The following ZNF184 variants were observed in gnomAD, a reference collection of about 807,000 sequenced individuals.
ZNF184 encodes the protein zinc finger protein 184.
ZNF184 carries 16 observed loss-of-function variants against 54.4 expected under a neutral mutation model. The observed-to-expected ratio is 0.29, with a 90% CI of 0.20 to 0.45. The LOEUF (loss-of-function observed/expected upper bound fraction) is 0.45. ZNF184 is among the 20% of genes least tolerant of loss of function. The pLI, the probability that ZNF184 is intolerant of heterozygous loss-of-function variation, is 1.00. For synonymous variants in ZNF184, 254 were observed against 295.3 expected (o/e 0.86, Z 1.43); for missense variants, 681 against 888.2 (o/e 0.77, Z 2.97).
chr6:27,414,634 C>T, the ZNF184 span, among the ~76,000 whole-genome samples: 651 of 152,106 alleles, frequency 4.3e-3, 3 homozygotes, highest in African/African-American at 0.015. Context: ...CCTTCTATGA[C>T]ACCTTTTTAA....
Position 27,451,178 on chromosome 6 carries a change from A to G in ZNF184, c.*125T>C. The G allele has an allele frequency of 3.4e-6, 4 of 1,182,502 alleles. No individual in the cohort carries two copies. The highest frequency in any genetic ancestry group is 4.7e-6 in the Non-Finnish European group (4 of 852,360). The allele number at this position is 1,182,502 out of a possible 1,614,324, so 73.3% of individuals were successfully genotyped here. A position where few individuals can be genotyped will look rare whatever the true frequency, so the allele number is the denominator to read the frequency against. ...CAGCCCAATGTACTTTCCATTCCAT[A>G]ACATGATAGTGAAAATTTAAAAGAT... On this transcript the variant is annotated 3_prime_UTR_variant, in exon 6 of 6. Transcript: ENST00000683788.
At chr6:27,409,498 CAAAAAAAAAAAA>C in the ZNF184 span, among the ~76,000 whole-genome samples, 1 of 39,942 alleles carries the variant, frequency 2.5e-5, no homozygotes, top group Non-Finnish European at 5.0e-5. Context: ...GACTCCGTCT[CAAAAAAAAAAAA>C]AAAAAAAAAA....
the ZNF184 span, among the ~76,000 whole-genome samples, chr6:27,407,540 C>T: frequency 6.6e-6 from 1 of 152,214 alleles, no homozygotes; most frequent in Non-Finnish European, 1.5e-5. Context: ...GCCCTATGCA[C>T]AGTGTCAGCA....
At chr6:27,461,419 A>C (rs567822332) in intron 3 of ZNF184, among the ~76,000 whole-genome samples, 1 of 152,246 alleles carries the variant, frequency 6.6e-6, no homozygotes, top group Admixed American at 6.5e-5. Context: ...CAAATCACTG[A>C]ACTAAAGCGT....
At chr6:27,427,073 C>T in the ZNF184 span, among the ~76,000 whole-genome samples, 4 of 121,124 alleles carry the variant, frequency 3.3e-5, no homozygotes, top group South Asian at 2.7e-4. Flanking sequence ...ATTTCTAGAA[C>T]GTATTATTGA....
chr6:27,448,143 T>C (rs986395189), downstream of ZNF184, among the ~76,000 whole-genome samples: 2 of 152,228 alleles, frequency 1.3e-5, no homozygotes, highest in Non-Finnish European at 2.9e-5. Flanking sequence ...TCATCCCCTC[T>C]GTGAACCTAC....
At chr6:27,462,604 C>T (rs1377011323) in intron 3 of ZNF184, among the ~76,000 whole-genome samples, 1 of 151,476 alleles carries the variant, frequency 6.6e-6, no homozygotes, top group Non-Finnish European at 1.5e-5. Flanking sequence ...GTGGCTCACA[C>T]CTGTAATCCC....
chr6:27,433,347 G>A, the ZNF184 span, among the ~76,000 whole-genome samples: 1 of 152,014 alleles, frequency 6.6e-6, no homozygotes, highest in Admixed American at 6.5e-5. Flanking sequence ...TTTTACTGTG[G>A]TAAAATATAC....
the ZNF184 span, among the ~76,000 whole-genome samples, chr6:27,437,331 A>G: frequency 6.6e-6 from 1 of 152,194 alleles, no homozygotes; most frequent in Non-Finnish European, 1.5e-5. Flanking sequence ...AGTTTTGAAG[A>G]TGAGGAGGAC....
At chr6:27,423,577 C>T in the ZNF184 span, among the ~76,000 whole-genome samples, 1 of 152,022 alleles carries the variant, frequency 6.6e-6, no homozygotes, top group African/African-American at 2.4e-5. Flanking sequence ...CCCTCCCTTT[C>T]TCTGTTCTCA....
chr6:27,452,983 G>A lies in ZNF184; in HGVS notation c.576C>T (p.Asn192=), dbSNP rs749440050. 1.2e-6 allele frequency: 2 copies of A among 1,614,118 alleles called. No homozygotes were observed. Among genetic ancestry groups the A allele is most frequent in the South Asian group, 1.1e-5 (1 of 91,084 alleles). ...EFGKSVNVSS[N]LVTQEPSPEE... is the part of the protein sequence containing the mutation. ...CTGGAGATGGTTCTTGTGTTACAAG[G>A]TTTGAACTCACATTGACACTTTTCC... The change falls in exon 6 of 6, where the codon AAC becomes AAT. Residue 192 remains asparagine (N), a synonymous_variant. Transcript: ENST00000683788. This position sits in a 1 kb window ranked among gnomAD's most constrained non-coding sequence, Gnocchi z 5.5.
chr6:27,423,598 C>A, the ZNF184 span, among the ~76,000 whole-genome samples: 1 of 151,124 alleles, frequency 6.6e-6, no homozygotes, highest in African/African-American at 2.4e-5. Context: ...GCAATACGCA[C>A]AAATACACAC....
At position 27,452,035 on chromosome 6, in the gene ZNF184, T is replaced by C. The variant is rs768878125; in HGVS notation, c.1524A>G (p.Gly508=). The change falls in exon 6 of 6, where the codon GGA becomes GGG. Residue 508 remains glycine (G), a synonymous_variant. Coordinates refer to ENST00000683788, the MANE Select transcript of ZNF184 (RefSeq NM_001318891.2). This position sits in a 1 kb window ranked among gnomAD's most constrained non-coding sequence, Gnocchi z 5.5. Reference sequence around the variant, plus strand: ...GGTTTGAGAGATAACTGAAAGCCTTTCCACATTCACTGCATTCAAAGGGCT... The same window carrying C: ...GGTTTGAGAGATAACTGAAAGCCTTCCCACATTCACTGCATTCAAAGGGCT... The part of the protein sequence containing the change: ...REKPFECSEC[G]KAFSYLSNLN... 6.2e-7 allele frequency: 1 copy of C among 1,614,028 alleles called. No homozygotes were observed. Among genetic ancestry groups the C allele is most frequent in the South Asian group, 1.1e-5 (1 of 91,078 alleles).
the ZNF184 span, among the ~76,000 whole-genome samples, chr6:27,443,334 C>T: frequency 1.3e-5 from 2 of 152,178 alleles, no homozygotes; most frequent in Admixed American, 6.5e-5. Context: ...CTCTAAGACA[C>T]CTGCTATCAA....
At chr6:27,423,568 C>T in the ZNF184 span, among the ~76,000 whole-genome samples, 1 of 152,106 alleles carries the variant, frequency 6.6e-6, no homozygotes, top group South Asian at 2.1e-4. Flanking sequence ...CTTGCTAACC[C>T]CTCCCTTTCT....
At chr6:27,420,125 T>G in the ZNF184 span, among the ~76,000 whole-genome samples, 1 of 152,212 alleles carries the variant, frequency 6.6e-6, no homozygotes, top group South Asian at 2.1e-4. Flanking sequence ...CCACAACCAG[T>G]CTTGATACTC....
chr6:27,453,149 C>T lies in ZNF184; in HGVS notation c.410G>A (p.Ser137Asn), dbSNP rs1239949224. ...TTCCCAACTTTCTAGCAAGTTGGAA[C>T]TCCAAGAATCATCTCTTTTGTGTTT... is the stretch of plus-strand genomic sequence containing the variant. The part of the protein sequence containing the change: ...VEKHKRDDSW[S>N]SNLLESWEYE... Residue 137 changes from serine to asparagine, a missense_variant, in exon 6 of 6, where the codon AGT (serine) becomes AAT (asparagine). Ser to Asn is a conservative substitution (Grantham distance 46). Transcript: ENST00000683788. This position sits in a 1 kb window ranked among gnomAD's most constrained non-coding sequence, Gnocchi z 4.7. 10 of 1,614,114 alleles carry T rather than the reference C, an allele frequency of 6.2e-6. No individual in the cohort carries two copies. Among genetic ancestry groups the T allele is most frequent in the Non-Finnish European group, 8.5e-6 (10 of 1,180,006 alleles).
At chr6:27,448,650 T>C (rs1052148236), downstream of ZNF184, among the ~76,000 whole-genome samples, 7 of 152,238 alleles carry the variant, frequency 4.6e-5, no homozygotes, top group African/African-American at 1.2e-4. Flanking sequence ...CTCAGGATAC[T>C]TGTGGCTCCT....
the ZNF184 span, among the ~76,000 whole-genome samples, chr6:27,422,652 T>C: frequency 6.6e-6 from 1 of 151,656 alleles, no homozygotes; most frequent in African/African-American, 2.4e-5. Flanking sequence ...TCCCAAAATC[T>C]CAAGCTGGAA....
Sources: allele counts gnomAD v4.1 joint callset (sites outside exome capture counted in the v4.1 genomes callset), GRCh38; gene constraint gnomAD v4.1.1; non-coding constraint Gnocchi (gnomAD v3.1); transcripts MANE v1.5; gene names NCBI Gene and HGNC (gene_info 2026-07-23, HGNC 2026-07-21).